The following DROSHA variants were observed in gnomAD, a reference collection of about 807,000 sequenced individuals.
The protein encoded by DROSHA is ribonuclease 3.
Under a neutral mutation model 181.9 loss-of-function variants are expected in DROSHA, and 56 were observed. The observed-to-expected ratio is 0.31, with a 90% CI of 0.25 to 0.38. The LOEUF is 0.38. Ranked by LOEUF, DROSHA falls within the 10% of genes least tolerant of loss-of-function variation. DROSHA has a pLI of 1.00. For synonymous variants in DROSHA, 524 were observed against 591.2 expected (o/e 0.89, Z 1.65); for missense variants, 1,218 against 1,743.5 (o/e 0.70, Z 5.37).
chr5:31,455,839 G>A (rs776566538), intron 20 of DROSHA, among the ~76,000 whole-genome samples: 6 of 151,778 alleles, frequency 4.0e-5, no homozygotes, highest in Non-Finnish European at 8.8e-5. Context: ...ACAGGGTTTC[G>A]CCATGTTGCC....
chr5:31,409,463 T>C lies in DROSHA; in HGVS notation c.3668-131A>G. 1 of 730,236 alleles carries C rather than the reference T, an allele frequency of 1.4e-6. No homozygotes were observed. The highest frequency in any genetic ancestry group is 2.7e-5 in the East Asian group (1 of 36,628). The allele number at this position is 730,236 out of a possible 1,614,324, so 45.2% of individuals were successfully genotyped here. On this transcript the variant is annotated intron_variant, in intron 31 of 35. Transcript: ENST00000344624. The surrounding 1 kb of genome is among the most constrained non-coding windows in gnomAD (Gnocchi z 4.0). ...CCAGGCCCTCTTTATTTTTCAGTGC[T>C]ACCATTTCATCTTCCCCCACTTTTT...
At chr5:31,464,043 A>G in intron 20 of DROSHA, 193 bp downstream of exon 20, 1 of 594,798 alleles carries the variant, frequency 1.7e-6, no homozygotes, top group Non-Finnish European at 3.0e-6. Flanking sequence ...TACAACATAC[A>G]CACACACACC....
intron 16 of DROSHA, among the ~76,000 whole-genome samples, chr5:31,481,690 TA>T (rs755178221): frequency 6.6e-6 from 1 of 152,184 alleles, no homozygotes; most frequent in Non-Finnish European, 1.5e-5. Context: ...AATGCTAACC[TA>T]AAATAAACTA....
Position 31,510,915 on chromosome 5 carries a change from A to G in DROSHA, c.1432+120T>C, listed in dbSNP as rs1020994825. ...GCTATGTATCTTACTGACTGTAATT[A>G]AGAAAAATAAAATGAAAAAGAAGAA... On this transcript the variant is annotated intron_variant, in intron 9 of 35. Coordinates refer to ENST00000344624, the MANE Select transcript of DROSHA (RefSeq NM_001382508.1). 18 of 1,302,520 alleles carry G rather than the reference A, an allele frequency of 1.4e-5. No individual in the cohort carries two copies. In the African/African-American group the frequency reaches 2.7e-4, roughly 19 times the overall value. The allele number at this position is 1,302,520 out of a possible 1,614,324, so 80.7% of individuals were successfully genotyped here.
chr5:31,531,209 A>G (rs1741308936), intron 2 of DROSHA, among the ~76,000 whole-genome samples: 1 of 152,230 alleles, frequency 6.6e-6, no homozygotes. Context: ...AAAAAGAGGT[A>G]TGTGCAGGGC....
Position 31,508,743 on chromosome 5 carries a change from C to T in DROSHA, c.1465G>A (p.Glu489Lys). Residue 489 changes from glutamate to lysine, a missense_variant, in exon 10 of 36, where the codon GAG (glutamate) becomes AAG (lysine). This residue lies in a region of DROSHA where 460 missense variants were observed against 774.2 expected (regional missense o/e 0.59). Coordinates refer to ENST00000344624, the MANE Select transcript of DROSHA (RefSeq NM_001382508.1). ...SSSESECESD[E>K]DSTCSSSSDS... is the part of the protein sequence containing the mutation. ...GAGCTGCTAGAACAGGTGCTGTCCTCATCAGACTCACACTCGGATTCACTG... is the reference window on the plus strand; with the variant it reads ...GAGCTGCTAGAACAGGTGCTGTCCTTATCAGACTCACACTCGGATTCACTG... 2 of 1,613,798 alleles carry T rather than the reference C, an allele frequency of 1.2e-6. No homozygotes were observed. The highest frequency in any genetic ancestry group is 1.7e-6 in the Non-Finnish European group (2 of 1,179,848).
chr5:31,487,978 A>G (rs1419266937), intron 13 of DROSHA, among the ~76,000 whole-genome samples: 1 of 152,240 alleles, frequency 6.6e-6, no homozygotes, highest in Non-Finnish European at 1.5e-5. Flanking sequence ...AGAGGTAAAG[A>G]TGTGTAAGAA....
rs1041076753 is a variant in DROSHA, at chr5:31,532,055, A to G, written c.-315T>C. ...AAGCCAGGCTACTACCGCAGGTACCAAGACAGTGGCACCGCCCGCGCCTCC... is the reference window on the plus strand; with the variant it reads ...AAGCCAGGCTACTACCGCAGGTACCGAGACAGTGGCACCGCCCGCGCCTCC... On this transcript the variant is annotated 5_prime_UTR_variant, in exon 1 of 36. Coordinates refer to ENST00000344624, the MANE Select transcript of DROSHA (RefSeq NM_001382508.1). 8.1e-6 allele frequency: 3 copies of G among 369,064 alleles called. No homozygotes were observed. Among genetic ancestry groups the G allele is most frequent in the Non-Finnish European group, 1.5e-5 (3 of 200,338 alleles). 22.9% of individuals were successfully genotyped at this position (369,064 alleles called of 1,614,324 possible). A position where few individuals can be genotyped will look rare whatever the true frequency, so the allele number is the denominator to read the frequency against.
At chr5:31,468,092 C>T in intron 17 of DROSHA, 29 bp from the exon 18 acceptor site, 1 of 1,597,860 alleles carries the variant, frequency 6.3e-7, no homozygotes, top group Middle Eastern at 1.7e-4. Context: ...GCCATTTATT[C>T]CCATAAGAAG....
intron 30 of DROSHA, among the ~76,000 whole-genome samples, chr5:31,416,626 G>C (rs1395709509): frequency 6.6e-6 from 1 of 152,178 alleles, no homozygotes; most frequent in East Asian, 1.9e-4. Context: ...GAAGATACCA[G>C]GCACATAAAA....
At chr5:31,451,176 T>C (rs940959430) in intron 21 of DROSHA, among the ~76,000 whole-genome samples, 44 of 151,808 alleles carry the variant, frequency 2.9e-4, no homozygotes, top group Non-Finnish European at 1.0e-4. Context: ...CACTCCAGCC[T>C]GGGAAACAAG....
chr5:31,444,734 C>A (rs1200656814), intron 23 of DROSHA, among the ~76,000 whole-genome samples: 1 of 152,160 alleles, frequency 6.6e-6, no homozygotes, highest in Non-Finnish European at 1.5e-5. Flanking sequence ...CATGGTCACA[C>A]CATCCCCGAG....
Position 31,526,172 on chromosome 5 carries a change from C to T in DROSHA, c.761G>A (p.Arg254His), listed in dbSNP as rs776469778. 29 of 1,613,648 alleles carry T rather than the reference C, an allele frequency of 1.8e-5. No individual in the cohort carries two copies. The highest frequency in any genetic ancestry group is 1.7e-4 in the African/African-American group (13 of 74,858). Residue 254 changes from arginine (R) to histidine (H), a missense_variant, in exon 5 of 36, where the codon CGC (arginine) becomes CAC (histidine). This residue lies in a region of DROSHA where 536 missense variants were observed against 535.4 expected (regional missense o/e 1.00). Coordinates refer to ENST00000344624, the MANE Select transcript of DROSHA (RefSeq NM_001382508.1). ...HRSLDRRERG[R>H]SPDRRRQDSR... ...GTCTTGTCTTCTCCTGTCGGGACTGCGGCCTCGCTCCCGCCGATCCAGGGA... is the reference window on the plus strand; with the variant it reads ...GTCTTGTCTTCTCCTGTCGGGACTGTGGCCTCGCTCCCGCCGATCCAGGGA...
At chr5:31,459,433 AAAAT>A (rs1467892153) in intron 20 of DROSHA, among the ~76,000 whole-genome samples, 1 of 151,216 alleles carries the variant, frequency 6.6e-6, no homozygotes, top group African/African-American at 2.5e-5. Context: ...AAAAAAAAAA[AAAAT>A]CTCTCTCAGG....
intron 34 of DROSHA, 61 bp downstream of exon 34, chr5:31,406,792 C>A: frequency 6.8e-7 from 1 of 1,478,712 alleles, no homozygotes; most frequent in Non-Finnish European, 9.4e-7. Context: ...GAGATAGCAG[C>A]TAGGGAATTA....
intron 28 of DROSHA, 184 bp from the exon 29 acceptor site, chr5:31,423,128 A>G: frequency 1.8e-6 from 1 of 566,920 alleles, no homozygotes; most frequent in South Asian, 2.5e-5. Context: ...ATATTTAAAG[A>G]AGGTTCAAAT....
In DROSHA at chr5:31,476,364, CAAAGAAAG is replaced by C. The variant is rs147996977; in HGVS notation, c.2072-4140_2072-4133del. 3.3e-3 allele frequency among the ~76,000 whole-genome samples: 498 copies of C among 152,016 alleles called. 2 individuals carry two copies. The highest frequency in any genetic ancestry group is 5.5e-3 in the Non-Finnish European group (372 of 67,944). On this transcript the variant is annotated intron_variant, in intron 16 of 35. Coordinates refer to ENST00000344624, the MANE Select transcript of DROSHA (RefSeq NM_001382508.1). ...TGAGTGACAGGGTGAGACTCTCTATCAAAGAAAGAAAGAAAGAAGATCACAAGGTGCTT... is the reference window on the plus strand; with the variant it reads ...TGAGTGACAGGGTGAGACTCTCTATCAAAGAAAGAAGATCACAAGGTGCTT...
intron 7 of DROSHA, 49 bp downstream of exon 7, chr5:31,515,405 T>C (rs932013665): frequency 1.8e-6 from 2 of 1,082,720 alleles, no homozygotes; most frequent in African/African-American, 3.2e-5. Flanking sequence ...ACCTGAAGTT[T>C]ACTTGTTTAA....
At chr5:31,518,998 T>C (rs187730792) in intron 6 of DROSHA, among the ~76,000 whole-genome samples, 178 of 152,300 alleles carry the variant, frequency 1.2e-3, no homozygotes, top group South Asian at 0.01. Flanking sequence ...AAAGATCTTT[T>C]TTAGGTAAGT....
Sources: allele counts gnomAD v4.1 joint callset (sites outside exome capture counted in the v4.1 genomes callset), GRCh38; gene constraint gnomAD v4.1.1; regional missense constraint gnomAD v4.1.1; non-coding constraint Gnocchi (gnomAD v3.1); transcripts MANE v1.5; gene names NCBI Gene and HGNC (gene_info 2026-07-23, HGNC 2026-07-21).